GRIA1: variants seen among roughly 807,000 people sequenced by gnomAD.
GRIA1 encodes glutamate ionotropic receptor AMPA type subunit 1.
In GRIA1, 31 loss-of-function variants were observed where a neutral mutation model predicts 99.2. That is an observed-to-expected ratio of 0.31 (90% confidence interval 0.23 to 0.42). The LOEUF is 0.42. Among genes scored for constraint, GRIA1 ranks in the 10% least tolerant of loss-of-function variants. The pLI is 1.00. For missense variants in GRIA1, 782 were observed against 1,157.5 expected (o/e 0.68, Z 4.71); for synonymous variants, 438 against 432.4 (o/e 1.01, Z -0.16).
intron 1 of GRIA1, among the ~76,000 whole-genome samples, chr5:153,493,535 T>C (rs1332046944): frequency 6.6e-6 from 1 of 152,090 alleles, no homozygotes; most frequent in African/African-American, 2.4e-5. Context: ...ATGAGGCTGA[T>C]GTAAGAAAAA....
chr5:153,563,570 C>T (rs1315423843), intron 2 of GRIA1, among the ~76,000 whole-genome samples: 3 of 152,220 alleles, frequency 2.0e-5, no homozygotes, highest in Non-Finnish European at 4.4e-5. Context: ...GAAACTATAA[C>T]TTCTCATTGT....
chr5:153,742,414 A>T (rs537380573), intron 11 of GRIA1, among the ~76,000 whole-genome samples: 1 of 152,330 alleles, frequency 6.6e-6, no homozygotes, highest in African/African-American at 2.4e-5. Context: ...CCATAACAGA[A>T]CTTAAATCTT....
intron 3 of GRIA1, among the ~76,000 whole-genome samples, chr5:153,648,105 G>C (rs967266041): frequency 6.6e-6 from 1 of 152,226 alleles, no homozygotes; most frequent in Non-Finnish European, 1.5e-5. Flanking sequence ...GTTGCCTGCA[G>C]GGAGTCTTAG....
intron 14 of GRIA1, 132 bp downstream of exon 14, chr5:153,794,867 G>T: frequency 1.6e-6 from 1 of 631,028 alleles, no homozygotes; most frequent in Non-Finnish European, 2.8e-6. Flanking sequence ...TCAAAGGGAA[G>T]CCCTTTGGTT....
chr5:153,724,393 C>T (rs1235382041), intron 11 of GRIA1, among the ~76,000 whole-genome samples: 6 of 152,224 alleles, frequency 3.9e-5, no homozygotes, highest in East Asian at 1.9e-4. Context: ...CAAAGCTGGA[C>T]AGAGAATGAC....
At chr5:153,735,358 T>C (rs1277422153) in intron 11 of GRIA1, among the ~76,000 whole-genome samples, 5 of 152,110 alleles carry the variant, frequency 3.3e-5, no homozygotes, top group African/African-American at 1.2e-4. Context: ...CTCACAACTC[T>C]AAGGGGGTCC....
At chr5:153,582,244 T>G (rs1743771154) in intron 2 of GRIA1, among the ~76,000 whole-genome samples, 1 of 152,204 alleles carries the variant, frequency 6.6e-6, no homozygotes, top group African/African-American at 2.4e-5. Flanking sequence ...GGTTTTATGT[T>G]AGCACCTTTG....
At chr5:153,717,053 G>A (rs1463347008) in intron 11 of GRIA1, among the ~76,000 whole-genome samples, 3 of 152,160 alleles carry the variant, frequency 2.0e-5, no homozygotes, top group East Asian at 1.9e-4. Flanking sequence ...GTTGTGCTAC[G>A]ACCTAGAGAT....
At chr5:153,619,710 G>C (rs1659394883) in intron 2 of GRIA1, among the ~76,000 whole-genome samples, 1 of 152,152 alleles carries the variant, frequency 6.6e-6, no homozygotes, top group Admixed American at 6.5e-5. Context: ...AAAAGAGAGA[G>C]AGAGAGAGAA....
chr5:153,658,214 T>C (rs1415600168), intron 5 of GRIA1, among the ~76,000 whole-genome samples: 1 of 152,084 alleles, frequency 6.6e-6, no homozygotes, highest in Non-Finnish European at 1.5e-5. Context: ...GAACAATACA[T>C]AGAACAAGAA....
intron 10 of GRIA1, among the ~76,000 whole-genome samples, chr5:153,704,817 T>G (rs1339157236): frequency 2.0e-5 from 3 of 152,178 alleles, no homozygotes; most frequent in Non-Finnish European, 1.5e-5. Context: ...CAGAACTCTG[T>G]ATATCTTGGA....
At chr5:153,697,480 A>C (rs1477575323) in intron 8 of GRIA1, among the ~76,000 whole-genome samples, 1 of 152,132 alleles carries the variant, frequency 6.6e-6, no homozygotes, top group Non-Finnish European at 1.5e-5. Flanking sequence ...ATTTTTAGAC[A>C]CTCCTATATA....
intron 13 of GRIA1, among the ~76,000 whole-genome samples, chr5:153,772,821 T>C (rs1763969024): frequency 6.6e-6 from 1 of 152,174 alleles, no homozygotes; most frequent in South Asian, 2.1e-4. Context: ...TCCAGGAACA[T>C]CAGTGATACC....
chr5:153,648,327 A>G (rs1489596875), intron 3 of GRIA1, among the ~76,000 whole-genome samples: 1 of 152,162 alleles, frequency 6.6e-6, no homozygotes, highest in Non-Finnish European at 1.5e-5. Context: ...GCTTTGCAGC[A>G]TAATGTAGCT....
intron 2 of GRIA1, among the ~76,000 whole-genome samples, chr5:153,580,212 G>A (rs1050915507): frequency 2.0e-5 from 3 of 152,208 alleles, no homozygotes; most frequent in Admixed American, 1.3e-4. Context: ...ATCACAGTAG[G>A]AAGAGAACTC....
At chr5:153,725,043 G>C (rs1167521113) in intron 11 of GRIA1, among the ~76,000 whole-genome samples, 1 of 152,118 alleles carries the variant, frequency 6.6e-6, no homozygotes, top group African/African-American at 2.4e-5. Context: ...ACTAACAGCG[G>C]ATCTCTCGGC....
chr5:153,497,423 T>TATTC (rs990501157), intron 2 of GRIA1, among the ~76,000 whole-genome samples: 3 of 152,184 alleles, frequency 2.0e-5, no homozygotes, highest in African/African-American at 7.2e-5. Context: ...TTCACCTATT[T>TATTC]ATTCATTCAT....
chr5:153,508,450 GA>G (rs535077688), intron 2 of GRIA1, among the ~76,000 whole-genome samples: 18 of 146,700 alleles, frequency 1.2e-4, no homozygotes, highest in South Asian at 2.1e-4. Context: ...TTTCAGACAA[GA>G]AAAAAAAAAC....
rs144265450 is a variant in GRIA1 at position 153,608,659 on chromosome 5, G to A, written c.221-38269G>A. On this transcript the variant is annotated intron_variant, in intron 2 of 15. Coordinates refer to ENST00000285900, the MANE Select transcript of GRIA1 (RefSeq NM_000827.4). ...CCTTCATTTAATCTCCTGGGAGATAGTAAGCATAGTTGATTATGAAATTTA... is the reference window on the plus strand; with the variant it reads ...CCTTCATTTAATCTCCTGGGAGATAATAAGCATAGTTGATTATGAAATTTA... 4.9e-3 allele frequency among the ~76,000 whole-genome samples: 751 copies of A among 152,286 alleles called. 5 individuals carry two copies. The highest frequency in any genetic ancestry group is 0.017 in the African/African-American group (703 of 41,556).
Sources: allele counts gnomAD v4.1 joint callset (sites outside exome capture counted in the v4.1 genomes callset), GRCh38; gene constraint gnomAD v4.1.1; transcripts MANE v1.5; gene names NCBI Gene and HGNC (gene_info 2026-07-23, HGNC 2026-07-21).